GLIS3: variants seen among roughly 807,000 people sequenced by gnomAD.
GLIS3 encodes zinc finger protein GLIS3.
In GLIS3, 53 loss-of-function variants were observed where a neutral mutation model predicts 78.6. That is an observed-to-expected ratio of 0.67 (90% CI 0.54 to 0.85). The LOEUF is 0.85. Ranked by LOEUF, GLIS3 falls within the 40% of genes least tolerant of loss-of-function variation. The pLI is 0.00. For synonymous variants in GLIS3, 684 were observed against 509.9 expected, an observed-to-expected ratio of 1.34 and a Z score of -4.60; for missense variants, 1,703 against 1,231.1, an observed-to-expected ratio of 1.38 and a Z score of -5.74.
intron 6 of GLIS3, among the ~76,000 whole-genome samples, chr9:3,922,226 A>G (rs1292359583): frequency 1.3e-5 from 2 of 152,230 alleles, no homozygotes; most frequent in Non-Finnish European, 2.9e-5. Flanking sequence ...GTCATTAAAA[A>G]TATAGTTACT....
At chr9:4,459,808 C>CA in the GLIS3 span, among the ~76,000 whole-genome samples, 215 of 150,788 alleles carry the variant, frequency 1.4e-3, no homozygotes, top group African/African-American at 4.9e-3. Flanking sequence ...GACCCTGTCT[C>CA]AAAAAAGAAA....
chr9:4,128,908 CA>C (rs1422816987), intron 2 of GLIS3, among the ~76,000 whole-genome samples: 1 of 152,180 alleles, frequency 6.6e-6, no homozygotes, highest in Non-Finnish European at 1.5e-5. Flanking sequence ...AGTGTAAAGC[CA>C]AAAGGCCAAG....
intron 4 of GLIS3, among the ~76,000 whole-genome samples, chr9:4,036,830 T>C (rs975121311): frequency 1.3e-5 from 2 of 152,196 alleles, no homozygotes; most frequent in Non-Finnish European, 2.9e-5. Context: ...TCATTCTTGA[T>C]GCCAAAATCC....
chr9:4,056,967 T>C (rs1416143302), intron 4 of GLIS3, among the ~76,000 whole-genome samples: 2 of 149,202 alleles, frequency 1.3e-5, no homozygotes, highest in Non-Finnish European at 3.0e-5. Flanking sequence ...AAATTTATGA[T>C]GACTAAGAAT....
At chr9:4,487,826 TACAGGCA>T in the GLIS3 span, among the ~76,000 whole-genome samples, 1 of 152,102 alleles carries the variant, frequency 6.6e-6, no homozygotes, top group Non-Finnish European at 1.5e-5. Context: ...TAGCAGAGAC[TACAGGCA>T]TGTGCCATCA....
At chr9:4,243,343 G>C (rs1335130348) in intron 2 of GLIS3, among the ~76,000 whole-genome samples, 1 of 152,056 alleles carries the variant, frequency 6.6e-6, no homozygotes, top group Non-Finnish European at 1.5e-5. Flanking sequence ...CTGGTAGTCA[G>C]GTGATCCCAG....
chr9:4,245,462 T>C (rs1373080400), intron 2 of GLIS3, among the ~76,000 whole-genome samples: 3 of 152,252 alleles, frequency 2.0e-5, no homozygotes, highest in Admixed American at 2.0e-4. Context: ...CTAGACCTAC[T>C]TACTTCATGG....
chr9:4,062,003 C>T (rs1355717408), intron 4 of GLIS3, among the ~76,000 whole-genome samples: 1 of 152,182 alleles, frequency 6.6e-6, no homozygotes, highest in African/African-American at 2.4e-5. Flanking sequence ...TCCTCCTTGT[C>T]CTCACTTCAT....
chr9:4,223,853 G>A (rs976526536), intron 2 of GLIS3, among the ~76,000 whole-genome samples: 1 of 151,950 alleles, frequency 6.6e-6, no homozygotes, highest in African/African-American at 2.4e-5. Flanking sequence ...ACAAATGTCG[G>A]GAATTCTACA....
chr9:4,175,391 C>G (rs1299893397), intron 2 of GLIS3, among the ~76,000 whole-genome samples: 1 of 152,180 alleles, frequency 6.6e-6, no homozygotes, highest in Non-Finnish European at 1.5e-5. Context: ...AGAAATGTCT[C>G]CTTCTCCACA....
intron 2 of GLIS3, among the ~76,000 whole-genome samples, chr9:4,170,388 T>C (rs1816273903): frequency 6.6e-6 from 1 of 151,378 alleles, no homozygotes; most frequent in African/African-American, 2.4e-5. Context: ...GGTCAACAGA[T>C]CTGCACTGTT....
At chr9:3,890,507 GA>G in intron 7 of GLIS3, among the ~76,000 whole-genome samples, 1 of 152,116 alleles carries the variant, frequency 6.6e-6, no homozygotes. Context: ...AAGAAGGAAA[GA>G]AAAAAAGAGA....
At chr9:4,460,101 C>T in the GLIS3 span, among the ~76,000 whole-genome samples, 1 of 151,908 alleles carries the variant, frequency 6.6e-6, no homozygotes, top group South Asian at 2.1e-4. Flanking sequence ...AGGTACCCAT[C>T]AAGCAATTAT....
chr9:4,242,184 G>C (rs925082643), intron 2 of GLIS3, among the ~76,000 whole-genome samples: 1 of 152,132 alleles, frequency 6.6e-6, no homozygotes, highest in Non-Finnish European at 1.5e-5. Context: ...TGGACCCCAT[G>C]AAACAGCTCC....
At chr9:4,435,732 G>A in the GLIS3 span, among the ~76,000 whole-genome samples, 9 of 152,104 alleles carry the variant, frequency 5.9e-5, no homozygotes, top group Non-Finnish European at 8.8e-5. Context: ...GGCGGATCAT[G>A]AGGTCAGGAG....
chr9:4,288,990 A>G (rs1214954568), intron 1 of GLIS3, among the ~76,000 whole-genome samples: 1 of 152,206 alleles, frequency 6.6e-6, no homozygotes, highest in Non-Finnish European at 1.5e-5. Flanking sequence ...ATCTATTTAT[A>G]TGATAATATT....
the GLIS3 span, among the ~76,000 whole-genome samples, chr9:4,395,776 T>TC: frequency 3.5e-5 from 5 of 140,924 alleles, no homozygotes; most frequent in South Asian, 1.2e-3. Context: ...TTTCTTTTTT[T>TC]CTTTTTTTTT....
At chr9:4,345,306 G>C (rs1817884050) in intron 2 of GLIS3, among the ~76,000 whole-genome samples, 1 of 152,110 alleles carries the variant, frequency 6.6e-6, no homozygotes, top group Non-Finnish European at 1.5e-5. Context: ...CACCTTCTCA[G>C]TCAGGCCTTC....
the GLIS3 span, among the ~76,000 whole-genome samples, chr9:4,354,111 C>T: frequency 6.6e-6 from 1 of 151,872 alleles, no homozygotes; most frequent in African/African-American, 2.4e-5. Flanking sequence ...GCTGGGATTA[C>T]AGGCGTGAGC....
Sources: gnomAD v4.1 joint callset for allele counts (sites outside exome capture counted in the v4.1 genomes callset) on GRCh38, gnomAD v4.1.1 for gene constraint, MANE v1.5 for transcripts, NCBI Gene and HGNC (gene_info 2026-07-23, HGNC 2026-07-21) for gene names.